The following CSGALNACT1 variants were observed in gnomAD, a reference collection of about 807,000 sequenced individuals.
CSGALNACT1 encodes the protein beta4GalNAcT-1.
A neutral mutation model predicts 51.0 loss-of-function variants in CSGALNACT1; 52 were observed. The observed-to-expected ratio is 1.02, with a 90% CI of 0.82 to 1.29. The LOEUF (loss-of-function observed/expected upper bound fraction) is 1.29. CSGALNACT1 is among the 50% of genes most tolerant of loss of function. CSGALNACT1 has a pLI of 0.00. For missense variants in CSGALNACT1, 935 were observed against 679.2 expected (o/e 1.38, Z -4.19); for synonymous variants, 341 against 254.4 (o/e 1.34, Z -3.24).
At chr8:19,654,717 G>A (rs530581332) in intron 1 of CSGALNACT1, among the ~76,000 whole-genome samples, 1 of 151,812 alleles carries the variant, frequency 6.6e-6, no homozygotes, top group Non-Finnish European at 1.5e-5. Flanking sequence ...CTAATTTTTT[G>A]TATTTTTGGT....
In CSGALNACT1 at chr8:19,423,235, C is replaced by T. The variant is rs2058228128; in HGVS notation, c.954-2717G>A. ...CGACATCAAGAATCTCCCCCTTGAA[C>T]AGCCTACAGTCCATTTGTATAGATA... On this transcript the variant is annotated intron_variant, in intron 6 of 9. Transcript: ENST00000454498. 2.0e-5 allele frequency among the ~76,000 whole-genome samples: 3 copies of T among 152,184 alleles called. No homozygotes were observed. In the South Asian group the frequency reaches 6.2e-4, roughly 32 times the overall value.
chr8:19,481,928 G>C (rs1160905543), intron 4 of CSGALNACT1, among the ~76,000 whole-genome samples: 2 of 152,194 alleles, frequency 1.3e-5, no homozygotes, highest in African/African-American at 2.4e-5. Context: ...AATAATTTAA[G>C]GGTTTCAAAA....
Position 19,505,912 on chromosome 8 carries a change from GAC to G in CSGALNACT1, c.-80_-79del. 6.4e-7 allele frequency: 1 copy of G among 1,571,974 alleles called. No individual in the cohort carries two copies. Among genetic ancestry groups the G allele is most frequent in the Non-Finnish European group, 8.7e-7 (1 of 1,155,442 alleles). ...CCCACGGAAGGGCTTCCCTGGGCTA[GAC>G]CACAGGAAGCATGCGTTTGGGGCCC... On this transcript the variant is annotated 5_prime_UTR_variant, in exon 4 of 10. The change abolishes the stop of an existing upstream ORF in the 5' untranslated region. Transcript: ENST00000454498.
chr8:19,634,384 C>T (rs2055728793), intron 1 of CSGALNACT1, among the ~76,000 whole-genome samples: 1 of 152,066 alleles, frequency 6.6e-6, no homozygotes, highest in Admixed American at 6.6e-5. Flanking sequence ...ATACAAGAGG[C>T]CAGGTGTGGT....
intron 3 of CSGALNACT1, among the ~76,000 whole-genome samples, chr8:19,568,706 T>C (rs1015982325): frequency 2.6e-5 from 4 of 152,330 alleles, no homozygotes; most frequent in African/African-American, 9.6e-5. Context: ...ACATCCAGAA[T>C]GAAATGGTCC....
At chr8:19,447,985 C>A (rs1400666223) in intron 5 of CSGALNACT1, among the ~76,000 whole-genome samples, 1 of 152,218 alleles carries the variant, frequency 6.6e-6, no homozygotes, top group African/African-American at 2.4e-5. Flanking sequence ...GCAGCAGCAG[C>A]CTCATGCCAT....
At chr8:19,450,837 G>A (rs1483539075) in intron 5 of CSGALNACT1, among the ~76,000 whole-genome samples, 1 of 151,922 alleles carries the variant, frequency 6.6e-6, no homozygotes, top group Non-Finnish European at 1.5e-5. Flanking sequence ...TGGAGCCCAG[G>A]AGTTTGAGGC....
intron 1 of CSGALNACT1, among the ~76,000 whole-genome samples, chr8:19,755,245 C>A: frequency 6.6e-6 from 1 of 151,996 alleles, no homozygotes; most frequent in African/African-American, 2.4e-5. Context: ...AGGATGGATT[C>A]TTAGGAAGAT....
intron 1 of CSGALNACT1, among the ~76,000 whole-genome samples, chr8:19,680,565 C>CA (rs1491164103): frequency 2.8e-4 from 3 of 10,658 alleles, no homozygotes; most frequent in Non-Finnish European, 6.3e-4. Flanking sequence ...CCTCGCCCCA[C>CA]CCCCCCCCCC....
intron 5 of CSGALNACT1, among the ~76,000 whole-genome samples, chr8:19,447,495 TA>T (rs966583570): frequency 2.0e-5 from 3 of 152,194 alleles, no homozygotes; most frequent in African/African-American, 7.2e-5. Context: ...TAACTCATCC[TA>T]AAGAAGTCTT....
chr8:19,706,769 A>C (rs7835627), intron 1 of CSGALNACT1, among the ~76,000 whole-genome samples: 3 of 151,878 alleles, frequency 2.0e-5, no homozygotes, highest in Admixed American at 1.3e-4. Flanking sequence ...CACTACAGGC[A>C]TGCACCACCA....
chr8:19,666,608 G>T (rs58141703), intron 1 of CSGALNACT1, among the ~76,000 whole-genome samples: 27 of 151,052 alleles, frequency 1.8e-4, no homozygotes, highest in Non-Finnish European at 4.4e-5. Context: ...GGAGGTGGGC[G>T]GATAGCTTCA....
chr8:19,479,359 C>A (rs2070716714), intron 4 of CSGALNACT1, among the ~76,000 whole-genome samples: 1 of 152,218 alleles, frequency 6.6e-6, no homozygotes, highest in South Asian at 2.1e-4. Context: ...CCATTAAGGA[C>A]TCTATCCATG....
At chr8:19,562,484 GAA>G (rs71304936) in intron 3 of CSGALNACT1, among the ~76,000 whole-genome samples, 7 of 129,296 alleles carry the variant, frequency 5.4e-5, no homozygotes, top group Admixed American at 1.6e-4. Context: ...CTTCTGCACA[GAA>G]AAAAAAAAAA....
chr8:19,624,283 T>C (rs1051282682), intron 1 of CSGALNACT1, among the ~76,000 whole-genome samples: 2 of 152,172 alleles, frequency 1.3e-5, no homozygotes, highest in Admixed American at 6.5e-5. Context: ...TGAGATTATA[T>C]ACATAAAACC....
chr8:19,659,971 C>G (rs1270038444), intron 1 of CSGALNACT1, among the ~76,000 whole-genome samples: 1 of 152,232 alleles, frequency 6.6e-6, no homozygotes, highest in African/African-American at 2.4e-5. Flanking sequence ...TAGCCGCTTT[C>G]TTTGTAGTAG....
intron 3 of CSGALNACT1, among the ~76,000 whole-genome samples, chr8:19,590,540 A>C (rs1304507482): frequency 6.6e-6 from 1 of 152,056 alleles, no homozygotes; most frequent in Non-Finnish European, 1.5e-5. Flanking sequence ...GTGGTTGAGA[A>C]TGAGATCAAA....
At chr8:19,532,949 C>T (rs1446751472) in intron 3 of CSGALNACT1, among the ~76,000 whole-genome samples, 1 of 152,204 alleles carries the variant, frequency 6.6e-6, no homozygotes, top group Admixed American at 6.5e-5. Flanking sequence ...ACACTGTCAT[C>T]TTTGTCTAAA....
intron 7 of CSGALNACT1, among the ~76,000 whole-genome samples, chr8:19,419,745 T>C (rs1426136888): frequency 6.6e-6 from 1 of 152,178 alleles, no homozygotes; most frequent in Non-Finnish European, 1.5e-5. Flanking sequence ...GAAGAGGGGT[T>C]ATGGACATGA....
Sources: gnomAD v4.1 joint callset for allele counts (sites outside exome capture counted in the v4.1 genomes callset) on GRCh38, gnomAD v4.1.1 for gene constraint, MANE v1.5 for transcripts, NCBI Gene and HGNC (gene_info 2026-07-23, HGNC 2026-07-21) for gene names.